MAPK8: variants seen among roughly 807,000 people sequenced by gnomAD.
MAPK8 encodes JUN N-terminal kinase.
MAPK8 carries 13 observed loss-of-function variants against 52.9 expected under a neutral mutation model. The ratio of observed to expected loss-of-function variants is 0.25; its 90% CI spans 0.16 to 0.39. The LOEUF (loss-of-function observed/expected upper bound fraction) is 0.39, where lower values mean the gene tolerates loss of function less well. Ranked by LOEUF, MAPK8 falls within the 10% of genes least tolerant of loss-of-function variation. The pLI is 1.00. For missense variants in MAPK8, 300 were observed against 519.2 expected (o/e 0.58, Z 4.10); for synonymous variants, 191 against 169.8 (o/e 1.12, Z -0.97).
At chr10:48,378,524 A>G (rs1282568855) in intron 1 of MAPK8, among the ~76,000 whole-genome samples, 2 of 152,210 alleles carry the variant, frequency 1.3e-5, no homozygotes, top group African/African-American at 4.8e-5. Flanking sequence ...TAGGGAGCCA[A>G]CAACAAAATC....
chr10:48,434,849 G>A, intron 11 of MAPK8, 35 bp from the exon 12 acceptor site: 1 of 1,578,622 alleles, frequency 6.3e-7, no homozygotes, highest in South Asian at 1.2e-5. Context: ...GCAGCTGTCT[G>A]CAACTGATTT....
rs138502553 is a variant in MAPK8 at position 48,399,805 on chromosome 10, T to C, written c.-49-1807T>C. On this transcript the variant is annotated intron_variant, in intron 1 of 11. Transcript: ENST00000374189. ...AGACATATGACTCCTCCAAGTAAGG[T>C]TAGGAATCCTAATCTGCAGGTAGTC... Among the ~76,000 whole-genome samples the C allele has an allele frequency of 9.5e-4, 145 of 152,272 alleles. 1 individual carries two copies. The highest frequency in any genetic ancestry group is 3.2e-3 in the African/African-American group (135 of 41,560).
chr10:48,309,524 G>T (rs1350324020), intron 1 of MAPK8, among the ~76,000 whole-genome samples: 1 of 152,176 alleles, frequency 6.6e-6, no homozygotes, highest in African/African-American at 2.4e-5. Context: ...GTCAGTGCAA[G>T]AATAAATTGT....
chr10:48,367,452 G>C (rs772858346), intron 1 of MAPK8, among the ~76,000 whole-genome samples: 32 of 151,610 alleles, frequency 2.1e-4, no homozygotes, highest in Non-Finnish European at 4.1e-4. Flanking sequence ...ATTGTTTAAA[G>C]GATGTCATTA....
At chr10:48,330,045 G>T (rs1207789766) in intron 1 of MAPK8, among the ~76,000 whole-genome samples, 1 of 152,078 alleles carries the variant, frequency 6.6e-6, no homozygotes, top group South Asian at 2.1e-4. Flanking sequence ...TATGTATTTT[G>T]TGCACATGTG....
At chr10:48,370,299 A>AT (rs769766102) in intron 1 of MAPK8, among the ~76,000 whole-genome samples, 6 of 152,194 alleles carry the variant, frequency 3.9e-5, no homozygotes, top group Non-Finnish European at 8.8e-5. Context: ...ATACTGTAGA[A>AT]ATTAGACTAG....
At chr10:48,394,573 A>G (rs904357339) in intron 1 of MAPK8, among the ~76,000 whole-genome samples, 1 of 151,930 alleles carries the variant, frequency 6.6e-6, no homozygotes, top group Non-Finnish European at 1.5e-5. Flanking sequence ...ACTAGGATTT[A>G]AAGGGAACTT....
intron 1 of MAPK8, among the ~76,000 whole-genome samples, chr10:48,329,958 G>A (rs1293921637): frequency 3.9e-5 from 6 of 152,008 alleles, no homozygotes; most frequent in African/African-American, 7.2e-5. Flanking sequence ...TTAAACTAAC[G>A]GCAAATATAA....
intron 1 of MAPK8, among the ~76,000 whole-genome samples, chr10:48,322,324 A>C (rs1564478471): frequency 6.6e-6 from 1 of 151,432 alleles, no homozygotes; most frequent in Non-Finnish European, 1.5e-5. Context: ...TTAAAAAAAA[A>C]AACTTTTTTG....
At chr10:48,385,596 T>C (rs985243266) in intron 1 of MAPK8, among the ~76,000 whole-genome samples, 10 of 152,086 alleles carry the variant, frequency 6.6e-5, no homozygotes, top group Admixed American at 3.9e-4. Flanking sequence ...TGTTACTTTG[T>C]TGGTAGTAAA....
chr10:48,406,579 T>G (rs2042483449), intron 3 of MAPK8, among the ~76,000 whole-genome samples: 1 of 152,108 alleles, frequency 6.6e-6, no homozygotes, highest in Non-Finnish European at 1.5e-5. Context: ...TCAGAATATA[T>G]TTGTTCAGTG....
At chr10:48,331,542 T>C (rs1225948641) in intron 1 of MAPK8, among the ~76,000 whole-genome samples, 2 of 152,214 alleles carry the variant, frequency 1.3e-5, no homozygotes, top group East Asian at 3.9e-4. Flanking sequence ...GGATAGTGAG[T>C]CCACCCCTGT....
intron 10 of MAPK8, 38 bp downstream of exon 10, chr10:48,427,181 G>A: frequency 6.6e-7 from 1 of 1,512,646 alleles, no homozygotes; most frequent in Non-Finnish European, 9.2e-7. Flanking sequence ...AACTGTGAAG[G>A]AGCTTCTGGT....
At chr10:48,307,732 T>G (rs1841542723) in intron 1 of MAPK8, among the ~76,000 whole-genome samples, 1 of 152,220 alleles carries the variant, frequency 6.6e-6, no homozygotes, top group Admixed American at 6.5e-5. Context: ...CCAGTAGAAT[T>G]CTGGTCCGTC....
At chr10:48,363,505 A>G (rs1847748821) in intron 1 of MAPK8, among the ~76,000 whole-genome samples, 2 of 152,196 alleles carry the variant, frequency 1.3e-5, no homozygotes, top group Non-Finnish European at 2.9e-5. Context: ...TTAGTTATCC[A>G]TAAAATCTGA....
At chr10:48,431,834 G>C (rs1180710313) in intron 11 of MAPK8, among the ~76,000 whole-genome samples, 1 of 152,116 alleles carries the variant, frequency 6.6e-6, no homozygotes, top group Non-Finnish European at 1.5e-5. Flanking sequence ...AGAATAGAGG[G>C]GAAAAGTTAA....
chr10:48,405,127 A>ATATATC (rs1491393031), intron 3 of MAPK8, 146 bp downstream of exon 3: 9 of 276,792 alleles, frequency 3.3e-5, no homozygotes, highest in Admixed American at 2.1e-4. Flanking sequence ...ATATATATAT[A>ATATATC]TCTACAGGGT....
intron 1 of MAPK8, among the ~76,000 whole-genome samples, chr10:48,314,642 A>G (rs933709903): frequency 3.3e-5 from 5 of 152,170 alleles, no homozygotes; most frequent in African/African-American, 4.8e-5. Context: ...TCCAACTTCC[A>G]TTCCACCAGC....
At chr10:48,325,475 G>GT (rs953741056) in intron 1 of MAPK8, among the ~76,000 whole-genome samples, 4 of 151,798 alleles carry the variant, frequency 2.6e-5, no homozygotes, top group African/African-American at 4.8e-5. Context: ...AGGGATTTTT[G>GT]TTTTTTTCAG....
Sources: gnomAD v4.1 joint callset for allele counts (sites outside exome capture counted in the v4.1 genomes callset) on GRCh38, gnomAD v4.1.1 for gene constraint, MANE v1.5 for transcripts, NCBI Gene and HGNC (gene_info 2026-07-23, HGNC 2026-07-21) for gene names.